Variants in RASSF1 observed in about 807,000 individuals in gnomAD.
RASSF1 encodes Ras association domain family member 1.
In RASSF1, 33 loss-of-function variants were observed where a neutral mutation model predicts 34.3. That is an observed-to-expected ratio of 0.96 (90% CI 0.73 to 1.29). RASSF1 has a LOEUF of 1.29. Among genes scored for constraint, RASSF1 ranks in the 50% most tolerant of loss-of-function variants. The pLI, the probability that RASSF1 is intolerant of heterozygous loss-of-function variation, is 0.00. For synonymous variants in RASSF1, 191 were observed against 195.0 expected, an observed-to-expected ratio of 0.98 and a Z score of 0.17; for missense variants, 445 against 471.8, an observed-to-expected ratio of 0.94 and a Z score of 0.53.
intron 2 of RASSF1, chr3:50,337,131 G>T: frequency 3.9e-6 from 6 of 1,548,748 alleles, no homozygotes; most frequent in East Asian, 2.4e-5. Context: ...GAGCTCCAGC[G>T]ACCGCTTCCC....
chr3:50,337,512 C>G, intron 2 of RASSF1: 3 of 1,526,148 alleles, frequency 2.0e-6, no homozygotes, highest in Non-Finnish European at 2.6e-6. Flanking sequence ...GGGGCGGGGA[C>G]ACGCACGCTT....
chr3:50,339,242 C>T (rs1479904941), intron 1 of RASSF1, among the ~76,000 whole-genome samples: 1 of 152,174 alleles, frequency 6.6e-6, no homozygotes, highest in Non-Finnish European at 1.5e-5. Flanking sequence ...AAAGCCCAAA[C>T]TTATCTTTGA....
intron 2 of RASSF1, chr3:50,337,502 G>T (rs776430924): frequency 4.0e-5 from 61 of 1,531,116 alleles, no homozygotes; most frequent in Non-Finnish European, 5.2e-5. Flanking sequence ...CAGGAACGCC[G>T]GGGCGGGGAC....
chr3:50,329,809 G>C lies in RASSF1; in HGVS notation c.*772C>G, dbSNP rs994274176. 1 of 152,550 alleles carries C rather than the reference G, an allele frequency of 6.6e-6. No individual in the cohort carries two copies. The highest frequency in any genetic ancestry group is 1.5e-5 in the Non-Finnish European group (1 of 68,040). The allele number at this position is 152,550 out of a possible 1,614,324, so 9.4% of individuals were successfully genotyped here. ...AGGAGGATCTTGAAATCTTTATTGAGCCAATTCTCTCAGGCCCCAGGCCCT... is the reference window on the plus strand; with the variant it reads ...AGGAGGATCTTGAAATCTTTATTGACCCAATTCTCTCAGGCCCCAGGCCCT... On this transcript the variant is annotated 3_prime_UTR_variant, in exon 6 of 6. Coordinates refer to ENST00000359365, the MANE Select transcript of RASSF1 (RefSeq NM_007182.5).
At chr3:50,335,539 G>A (rs369726567) in intron 2 of RASSF1, among the ~76,000 whole-genome samples, 2 of 152,012 alleles carry the variant, frequency 1.3e-5, no homozygotes, top group Admixed American at 6.6e-5. Context: ...GGCAGGTCTC[G>A]AACTCTTGGC....
chr3:50,335,309 CTTTCTT>C (rs1703091626), intron 2 of RASSF1, among the ~76,000 whole-genome samples: 2 of 133,478 alleles, frequency 1.5e-5, no homozygotes, highest in African/African-American at 5.8e-5. Context: ...GCCTCCTATT[CTTTCTT>C]TTTTTTTTTT....
intron 2 of RASSF1, chr3:50,337,371 G>A (rs1703187748): frequency 1.3e-6 from 2 of 1,599,752 alleles, no homozygotes; most frequent in African/African-American, 1.3e-5. Flanking sequence ...GCCAACCACC[G>A]CCCCGGTCGC....
Position 50,331,538 on chromosome 3 carries a change from A to G in RASSF1, c.760+21T>C, listed in dbSNP as rs587700012. 4.2e-5 allele frequency: 36 copies of G among 866,408 alleles called. No homozygotes were observed. In the East Asian group the frequency reaches 6.8e-4, roughly 16 times the overall value. 53.7% of individuals were successfully genotyped at this position (866,408 alleles called of 1,614,324 possible). ...ATGCGTATATACCCTCACATAGGGC[A>G]GGGTGGGGTGGGAAGCCCACCTTGG... On this transcript the variant is annotated intron_variant, in intron 4 of 5. Coordinates refer to ENST00000359365, the MANE Select transcript of RASSF1 (RefSeq NM_007182.5).
Position 50,337,911 on chromosome 3 carries a change from C to CGT in RASSF1, c.349_350dup (p.Asn118ArgfsTer36). On this transcript the variant is annotated frameshift_variant, in exon 2 of 6. Coordinates refer to ENST00000359365, the MANE Select transcript of RASSF1 (RefSeq NM_007182.5). LOFTEE classifies it high-confidence loss of function. ...CCCTCGGCCCCGCGCTCACCACGTT[C>CGT]GTGTCCCGCTCCACCGCGGGTTCCC... is the stretch of plus-strand genomic sequence containing the variant. 1 of 1,606,210 alleles carries CGT rather than the reference C, an allele frequency of 6.2e-7. No individual in the cohort carries two copies. The highest frequency in any genetic ancestry group is 8.5e-7 in the Non-Finnish European group (1 of 1,173,626).
intron 1 of RASSF1, among the ~76,000 whole-genome samples, chr3:50,339,069 C>G (rs1703267848): frequency 6.6e-6 from 1 of 152,236 alleles, no homozygotes; most frequent in Admixed American, 6.5e-5. Flanking sequence ...CCTAAACCCT[C>G]AGACTAGATC....
chr3:50,335,798 G>T (rs1703116419), intron 2 of RASSF1, among the ~76,000 whole-genome samples: 1 of 151,986 alleles, frequency 6.6e-6, no homozygotes, highest in Admixed American at 6.6e-5. Flanking sequence ...TAGAGATAGG[G>T]TTTCACCATG....
At position 50,331,565 on chromosome 3, in the gene RASSF1, C is replaced by T. The variant is rs757683708; in HGVS notation, c.754G>A (p.Gly252Ser). ...FALFERAERH[G>S]QVYLRKLLDD... ...GGTGGGGTGGGAAGCCCACCTTGGC[C>T]GTGACGCTCAGCGCGCTCAAAGAGT... Residue 252 changes from glycine (G) to serine (S), a missense_variant, in exon 4 of 6, where the codon GGC (glycine) becomes AGC (serine). Gly to Ser is a moderately conservative substitution (Grantham distance 56). Transcript: ENST00000359365. 12 of 1,587,808 alleles carry T rather than the reference C, an allele frequency of 7.6e-6. No individual in the cohort carries two copies. The highest frequency in any genetic ancestry group is 2.7e-5 in the African/African-American group (2 of 74,382).
intron 2 of RASSF1, 119 bp from the exon 3 acceptor site, chr3:50,332,273 A>G (rs1559841536): frequency 1.3e-6 from 1 of 770,334 alleles, no homozygotes; most frequent in Non-Finnish European, 2.2e-6. Context: ...CCTGATGTAC[A>G]TATACATAGC....
At chr3:50,340,373 C>T (rs1006375849) in intron 1 of RASSF1, among the ~76,000 whole-genome samples, 183 bp downstream of exon 1, 1 of 152,212 alleles carries the variant, frequency 6.6e-6, no homozygotes, top group African/African-American at 2.4e-5. Context: ...GGCCCAGATA[C>T]GAGTGGAGTG....
chr3:50,340,466 G>A, intron 1 of RASSF1, 90 bp downstream of exon 1: 2 of 1,366,110 alleles, frequency 1.5e-6, no homozygotes, highest in East Asian at 3.1e-5. Context: ...TGTCCCCGCC[G>A]ACCCCCTCTG....
At chr3:50,337,519 G>A in intron 2 of RASSF1, 1 of 1,520,050 alleles carries the variant, frequency 6.6e-7, no homozygotes, top group Admixed American at 2.0e-5. Flanking sequence ...GGACACGCAC[G>A]CTTCGCCCCC....
Position 50,340,463 on chromosome 3 carries a change from G to A in RASSF1, c.250+93C>T, listed in dbSNP as rs1054306503. On this transcript the variant is annotated intron_variant, in intron 1 of 5. Transcript: ENST00000359365. ...GACCTAGTCCTCGGGAGCTGTCCCC[G>A]CCGACCCCCTCTGCCGCGACTTGAC... 1.4e-5 allele frequency: 19 copies of A among 1,363,250 alleles called. No homozygotes were observed. In the African/African-American group the frequency reaches 2.2e-4, roughly 15 times the overall value. 84.4% of individuals were successfully genotyped at this position (1,363,250 alleles called of 1,614,324 possible). A position where few individuals can be genotyped will look rare whatever the true frequency, so the allele number is the denominator to read the frequency against.
intron 1 of RASSF1, among the ~76,000 whole-genome samples, chr3:50,338,646 C>T (rs1222766375): frequency 6.6e-6 from 1 of 152,142 alleles, no homozygotes; most frequent in Non-Finnish European, 1.5e-5. Flanking sequence ...ACACCTTTAA[C>T]CTACGTCTGC....
At position 50,331,440 on chromosome 3, in the gene RASSF1, C is replaced by A; in HGVS notation, c.770G>T (p.Arg257Leu). The A allele has an allele frequency of 1.3e-6, 2 of 1,594,450 alleles. No homozygotes were observed. The highest frequency in any genetic ancestry group is 2.2e-5 in the East Asian group (1 of 44,482). The change falls in exon 5 of 6, where the codon CGG becomes CTG. Residue 257 changes from arginine (R) to leucine (L), a missense_variant. Coordinates refer to ENST00000359365, the MANE Select transcript of RASSF1 (RefSeq NM_007182.5). The part of the protein sequence containing the change: ...RAERHGQVYL[R>L]KLLDDEQPLR... ...GGGCTGCTCATCATCCAACAGCTTC[C>A]GCAAGTACACTGTGAAGGGGAAGTA...
Sources: allele counts gnomAD v4.1 joint callset (sites outside exome capture counted in the v4.1 genomes callset), GRCh38; gene constraint gnomAD v4.1.1; transcripts MANE v1.5; gene names NCBI Gene and HGNC (gene_info 2026-07-23, HGNC 2026-07-21).